The following DRD2 variants were observed in gnomAD, a reference collection of about 807,000 sequenced individuals.
DRD2 encodes the protein D(2) dopamine receptor.
A neutral mutation model predicts 38.0 loss-of-function variants in DRD2; 8 were observed. That is an observed-to-expected ratio of 0.21 (90% CI 0.12 to 0.38). The LOEUF (loss-of-function observed/expected upper bound fraction) is 0.38, where lower values mean the gene tolerates loss of function less well. Ranked by LOEUF, DRD2 falls within the 10% of genes least tolerant of loss-of-function variation. DRD2 has a pLI of 1.00. For missense variants in DRD2, 403 were observed against 607.7 expected (o/e 0.66, Z 3.54); for synonymous variants, 230 against 238.6 (o/e 0.96, Z 0.33).
At chr11:113,414,961 AG>A (rs1950811136) in intron 5 of DRD2, among the ~76,000 whole-genome samples, 1 of 152,280 alleles carries the variant, frequency 6.6e-6, no homozygotes, top group Middle Eastern at 3.4e-3. Context: ...ACAAGACATC[AG>A]GGGGGAAATG....
chr11:113,452,435 C>CGT (rs759448996), intron 1 of DRD2, among the ~76,000 whole-genome samples: 6,571 of 130,118 alleles, frequency 0.051, 241 homozygotes, highest in East Asian at 0.2. Flanking sequence ...GGTGTGCATG[C>CGT]GTGTGTGTGT....
At chr11:113,438,436 C>T (rs992904700) in intron 1 of DRD2, among the ~76,000 whole-genome samples, 3 of 152,046 alleles carry the variant, frequency 2.0e-5, no homozygotes, top group Non-Finnish European at 4.4e-5. Flanking sequence ...CAACAGCTGC[C>T]GGAAAGGAGC....
chr11:113,412,802 T>A lies in DRD2; in HGVS notation c.892A>T (p.Ile298Phe), dbSNP rs1201367879. The change falls in exon 7 of 8, where the codon ATC (isoleucine) becomes TTC (phenylalanine). Residue 298 changes from isoleucine to phenylalanine, a missense_variant. By Grantham distance (21) the Ile-to-Phe change is conservative (BLOSUM62 0). This residue lies in a region of DRD2 where 166 missense variants were observed against 178.6 expected (regional missense o/e 0.93). Coordinates refer to ENST00000362072, the MANE Select transcript of DRD2 (RefSeq NM_000795.4). ...GTCAGCTGGTGGTGGCTGGGTGGGA[T>A]GGGGCTGTACCGGGTCCTCTCGGGT... is the stretch of plus-strand genomic sequence containing the variant. ...SPPERTRYSP[I>F]PPSHHQLTLP... The A allele has an allele frequency of 1.9e-6, 3 of 1,613,034 alleles. No homozygotes were observed. In the East Asian group the frequency reaches 6.7e-5, roughly 36 times the overall value.
chr11:113,464,989 A>T (rs1242477971), intron 1 of DRD2, among the ~76,000 whole-genome samples: 2 of 152,062 alleles, frequency 1.3e-5, no homozygotes, highest in Non-Finnish European at 2.9e-5. Flanking sequence ...TCCTACCTCC[A>T]CTGCCCCTCC....
chr11:113,458,823 T>C (rs1260882291), intron 1 of DRD2, among the ~76,000 whole-genome samples: 2 of 152,220 alleles, frequency 1.3e-5, no homozygotes, highest in African/African-American at 2.4e-5. Flanking sequence ...TCTTTACAAA[T>C]GTTCAGGGTC....
chr11:113,452,986 AC>A (rs1951231236), intron 1 of DRD2, among the ~76,000 whole-genome samples: 1 of 151,732 alleles, frequency 6.6e-6, no homozygotes. Flanking sequence ...TTCACACCAT[AC>A]TTTACTTTAT....
intron 1 of DRD2, among the ~76,000 whole-genome samples, chr11:113,436,393 A>C (rs1287021764): frequency 6.6e-6 from 1 of 152,204 alleles, no homozygotes. Context: ...ACCAATTGCA[A>C]TGTGTGGGCC....
intron 1 of DRD2, among the ~76,000 whole-genome samples, chr11:113,444,780 G>A (rs1951128456): frequency 6.6e-6 from 1 of 152,218 alleles, no homozygotes; most frequent in South Asian, 2.1e-4. Flanking sequence ...TGTCCTCACG[G>A]AGGCCACCAT....
intron 1 of DRD2, among the ~76,000 whole-genome samples, chr11:113,441,061 G>A (rs1045858354): frequency 2.6e-4 from 40 of 152,118 alleles, no homozygotes; most frequent in African/African-American, 9.2e-4. Flanking sequence ...TTTGATGGCT[G>A]TGGCAAGAAG....
Position 113,416,029 on chromosome 11 carries a change from T to C in DRD2, c.533-418A>G, listed in dbSNP as rs140391543. Among the ~76,000 whole-genome samples the C allele has an allele frequency of 1.6e-4, 24 of 152,372 alleles. No homozygotes were observed. The East Asian group carries it at 4.4e-3, about 28-fold the overall frequency. ...CCACCTTTTAATGTTTGCAGCAAGA[T>C]AACTTGGCTCTGTCTGTTGAACTCA... is the stretch of plus-strand genomic sequence containing the variant. On this transcript the variant is annotated intron_variant, in intron 4 of 7. Transcript: ENST00000362072.
intron 1 of DRD2, among the ~76,000 whole-genome samples, chr11:113,459,728 C>G (rs974373016): frequency 6.6e-6 from 1 of 151,990 alleles, no homozygotes; most frequent in African/African-American, 2.4e-5. Context: ...TAGTATAGTA[C>G]AGTGACTAAT....
At chr11:113,416,776 T>A (rs745365313) in intron 4 of DRD2, 87 bp downstream of exon 4, 1 of 1,553,794 alleles carries the variant, frequency 6.4e-7, no homozygotes. Flanking sequence ...CCCATATCTG[T>A]GCCAGGGACT....
intron 1 of DRD2, among the ~76,000 whole-genome samples, chr11:113,459,691 G>T (rs1167591422): frequency 3.3e-5 from 5 of 152,138 alleles, no homozygotes; most frequent in African/African-American, 1.2e-4. Flanking sequence ...AATTCAGTTA[G>T]ATGGACAGAA....
At chr11:113,412,420 T>C (rs1289784662) in intron 7 of DRD2, 136 bp downstream of exon 7, 13 of 1,070,508 alleles carry the variant, frequency 1.2e-5, no homozygotes, top group Non-Finnish European at 1.7e-5. Context: ...AATAGGGCTG[T>C]CTGTATGTCA....
intron 1 of DRD2, among the ~76,000 whole-genome samples, chr11:113,442,990 T>C (rs1198434512): frequency 6.6e-6 from 1 of 152,080 alleles, no homozygotes; most frequent in Non-Finnish European, 1.5e-5. Context: ...TATGCTAGGG[T>C]TTGCGTGATG....
At chr11:113,465,286 GC>G (rs1344645456) in intron 1 of DRD2, among the ~76,000 whole-genome samples, 1 of 152,132 alleles carries the variant, frequency 6.6e-6, no homozygotes, top group Non-Finnish European at 1.5e-5. Context: ...GTAGAGATGA[GC>G]TTTTGCCATG....
chr11:113,425,431 T>C (rs1180258115), intron 1 of DRD2, among the ~76,000 whole-genome samples: 3 of 152,188 alleles, frequency 2.0e-5, no homozygotes, highest in Non-Finnish European at 4.4e-5. Flanking sequence ...GGATAGCTGA[T>C]GCAGAGGGAC....
intron 1 of DRD2, among the ~76,000 whole-genome samples, chr11:113,441,584 C>G (rs1414212608): frequency 6.6e-6 from 1 of 152,198 alleles, no homozygotes; most frequent in African/African-American, 2.4e-5. Flanking sequence ...ATGGCAACAA[C>G]AAGCTGGGGT....
At chr11:113,465,134 C>G (rs538081630) in intron 1 of DRD2, among the ~76,000 whole-genome samples, 1 of 150,154 alleles carries the variant, frequency 6.7e-6, no homozygotes, top group Non-Finnish European at 1.5e-5. Context: ...TTGAGACAGT[C>G]TCACTATGTT....
Sources: allele counts gnomAD v4.1 joint callset (sites outside exome capture counted in the v4.1 genomes callset), GRCh38; gene constraint gnomAD v4.1.1; regional missense constraint gnomAD v4.1.1; transcripts MANE v1.5; gene names NCBI Gene and HGNC (gene_info 2026-07-23, HGNC 2026-07-21).